The following ROBO2 variants were observed in gnomAD, a reference collection of about 807,000 sequenced individuals.
The protein encoded by ROBO2 is roundabout homolog 2.
Under a neutral mutation model 160.8 loss-of-function variants are expected in ROBO2, and 53 were observed. The ratio of observed to expected loss-of-function variants is 0.33; its 90% confidence interval spans 0.26 to 0.41. The LOEUF (loss-of-function observed/expected upper bound fraction) is 0.41, where lower values mean the gene tolerates loss of function less well. ROBO2 is among the 10% of genes least tolerant of loss of function. The pLI is 1.00. For missense variants in ROBO2, 1,577 were observed against 1,722.4 expected (o/e 0.92, Z 1.49); for synonymous variants, 664 against 611.7 (o/e 1.09, Z -1.26).
chr3:76,496,444 C>T (rs1203454658), intron 2 of ROBO2, among the ~76,000 whole-genome samples: 1 of 152,190 alleles, frequency 6.6e-6, no homozygotes, highest in African/African-American at 2.4e-5. Flanking sequence ...GTTCTAGGAC[C>T]TATTACCTTT....
chr3:76,039,901 A>G (rs2107758328), intron 2 of ROBO2, among the ~76,000 whole-genome samples: 1 of 152,214 alleles, frequency 6.6e-6, no homozygotes, highest in South Asian at 2.1e-4. Flanking sequence ...ACTTCGGAGA[A>G]TAAATGACAT....
intron 2 of ROBO2, among the ~76,000 whole-genome samples, chr3:76,974,369 G>A (rs1004056035): frequency 3.3e-5 from 5 of 151,998 alleles, no homozygotes; most frequent in Non-Finnish European, 5.9e-5. Flanking sequence ...AAAATGTTTA[G>A]TGAATAGCTG....
intron 24 of ROBO2, among the ~76,000 whole-genome samples, chr3:77,640,175 G>A (rs1015800810): frequency 3.1e-5 from 4 of 129,344 alleles, no homozygotes; most frequent in Admixed American, 1.0e-4. Context: ...ACAGTGGGGC[G>A]ATCTCGGCTC....
chr3:76,044,911 T>C (rs1434352193), intron 2 of ROBO2, among the ~76,000 whole-genome samples: 2 of 152,000 alleles, frequency 1.3e-5, no homozygotes, highest in African/African-American at 2.4e-5. Flanking sequence ...CAGAGATAAA[T>C]AGAATGTGCA....
intron 2 of ROBO2, among the ~76,000 whole-genome samples, chr3:76,830,705 G>A (rs562068006): frequency 1.3e-5 from 2 of 151,456 alleles, no homozygotes; most frequent in South Asian, 4.2e-4. Context: ...GGCTGGGCAC[G>A]GTGGCTCACG....
intron 1 of ROBO2, among the ~76,000 whole-genome samples, chr3:77,057,030 T>C (rs9309758): frequency 0.75 from 113,672 of 152,036 alleles, 44,861 homozygotes; most frequent in Middle Eastern, 0.88. Context: ...TATTGCGGCA[T>C]TATTCACAAT....
chr3:76,979,426 A>G (rs1559793141), intron 2 of ROBO2, among the ~76,000 whole-genome samples: 5 of 152,056 alleles, frequency 3.3e-5, no homozygotes, highest in African/African-American at 4.8e-5. Flanking sequence ...GACCATGTGT[A>G]CACTCATTTA....
chr3:76,346,980 T>C (rs1409828781), intron 2 of ROBO2, among the ~76,000 whole-genome samples: 1 of 152,154 alleles, frequency 6.6e-6, no homozygotes, highest in African/African-American at 2.4e-5. Context: ...TTGAAGAAGG[T>C]TATGCCTACA....
chr3:76,297,899 A>G (rs1709161550), intron 2 of ROBO2, among the ~76,000 whole-genome samples: 1 of 152,140 alleles, frequency 6.6e-6, no homozygotes, highest in Non-Finnish European at 1.5e-5. Flanking sequence ...CAGCTATAAA[A>G]CAAGAGCAGG....
rs193002568 is a variant in ROBO2, at chr3:77,346,151, A to T, written c.389-131263A>T. Among the ~76,000 whole-genome samples the T allele has an allele frequency of 9.2e-5, 14 of 152,284 alleles. No homozygotes were observed. The East Asian group carries it at 2.5e-3, about 27-fold the overall frequency. On this transcript the variant is annotated intron_variant, in intron 2 of 25. Transcript: ENST00000461745. ...CATTTAGGAGTAGTTTACATGACTA[A>T]ACAAGTAATGATTCTGTAACTCTCA...
intron 2 of ROBO2, among the ~76,000 whole-genome samples, chr3:77,261,274 C>T (rs562118474): frequency 2.6e-5 from 4 of 152,130 alleles, no homozygotes; most frequent in African/African-American, 7.2e-5. Flanking sequence ...ACAGGAGGCT[C>T]CCAGAAGCAG....
intron 2 of ROBO2, among the ~76,000 whole-genome samples, chr3:76,086,500 A>G (rs1275133362): frequency 1.3e-5 from 2 of 152,132 alleles, no homozygotes; most frequent in Admixed American, 1.3e-4. Flanking sequence ...GGGGCTGAGA[A>G]GTAGGTAAAG....
intron 2 of ROBO2, among the ~76,000 whole-genome samples, chr3:76,314,506 T>C (rs149440292): frequency 0.028 from 4,304 of 152,178 alleles, 188 homozygotes; most frequent in African/African-American, 0.094. Flanking sequence ...AGGTTTGAAC[T>C]GTGCAGATTC....
At chr3:76,738,778 T>G (rs1395024695) in intron 2 of ROBO2, among the ~76,000 whole-genome samples, 2 of 152,114 alleles carry the variant, frequency 1.3e-5, no homozygotes, top group Non-Finnish European at 2.9e-5. Context: ...TAGTGCAAAA[T>G]CTCATGATAG....
chr3:77,611,045 T>C (rs565934918), intron 21 of ROBO2, among the ~76,000 whole-genome samples: 4 of 152,078 alleles, frequency 2.6e-5, no homozygotes, highest in Admixed American at 2.0e-4. Flanking sequence ...ACACCTGTAA[T>C]CTCAGCACTT....
At chr3:76,167,071 G>C (rs2106961358) in intron 2 of ROBO2, among the ~76,000 whole-genome samples, 1 of 152,176 alleles carries the variant, frequency 6.6e-6, no homozygotes, top group Non-Finnish European at 1.5e-5. Flanking sequence ...CTCTCAAGTA[G>C]CTTGGATTAC....
chr3:76,369,314 C>T (rs963888762), intron 2 of ROBO2, among the ~76,000 whole-genome samples: 11 of 151,894 alleles, frequency 7.2e-5, no homozygotes, highest in Non-Finnish European at 1.5e-4. Context: ...CCTGGTTCCC[C>T]GGTTTCCACG....
intron 2 of ROBO2, among the ~76,000 whole-genome samples, chr3:77,002,874 T>C (rs2061399490): frequency 6.6e-6 from 1 of 152,126 alleles, no homozygotes; most frequent in African/African-American, 2.4e-5. Context: ...AAGAGGCAAA[T>C]ACCTACTCAA....
At chr3:76,567,763 CTG>C (rs71101900) in intron 2 of ROBO2, among the ~76,000 whole-genome samples, 1,299 of 88,242 alleles carry the variant, frequency 0.015, 19 homozygotes, top group African/African-American at 0.024. Context: ...ATATATCTGT[CTG>C]TGTGTGTGTG....
Sources: gnomAD v4.1 joint callset for allele counts (sites outside exome capture counted in the v4.1 genomes callset) on GRCh38, gnomAD v4.1.1 for gene constraint, MANE v1.5 for transcripts, NCBI Gene and HGNC (gene_info 2026-07-23, HGNC 2026-07-21) for gene names.